The following PDE3B variants were observed in gnomAD, a reference collection of about 807,000 sequenced individuals.
PDE3B encodes the protein phosphodiesterase 3B, also known as cGMP-inhibited 3',5'-cyclic phosphodiesterase 3B.
PDE3B carries 66 observed loss-of-function variants against 116.8 expected under a neutral mutation model. That is an observed-to-expected ratio of 0.56 (90% CI 0.46 to 0.69). The LOEUF is 0.69. Among genes scored for constraint, PDE3B ranks in the 30% least tolerant of loss-of-function variants. PDE3B has a pLI of 0.00. For missense variants in PDE3B, 1,384 were observed against 1,368.1 expected, an observed-to-expected ratio of 1.01 and a Z score of -0.18; for synonymous variants, 595 against 533.6, an observed-to-expected ratio of 1.12 and a Z score of -1.59.
chr11:14,718,136 A>G (rs1855967712), intron 1 of PDE3B, among the ~76,000 whole-genome samples: 1 of 137,924 alleles, frequency 7.3e-6, no homozygotes, highest in Non-Finnish European at 1.6e-5. Flanking sequence ...CTCTGATAAA[A>G]CAGACTTTAA....
At chr11:14,850,868 A>T (rs534531527) in intron 12 of PDE3B, among the ~76,000 whole-genome samples, 10 of 151,940 alleles carry the variant, frequency 6.6e-5, no homozygotes, top group Non-Finnish European at 1.2e-4. Flanking sequence ...CTGCTCTGTC[A>T]CCCAGGCTGG....
intron 1 of PDE3B, among the ~76,000 whole-genome samples, chr11:14,660,404 C>T (rs141361999): frequency 4.6e-5 from 7 of 151,418 alleles, no homozygotes; most frequent in South Asian, 2.1e-4. Flanking sequence ...CAGGCTCAAG[C>T]GATCCTCCCA....
chr11:14,657,694 G>A (rs906414970), intron 1 of PDE3B, among the ~76,000 whole-genome samples: 1 of 152,132 alleles, frequency 6.6e-6, no homozygotes, highest in Non-Finnish European at 1.5e-5. Flanking sequence ...TCTGCTAGGA[G>A]CTATAAAGGC....
At chr11:14,839,325 CAG>C (rs1685214209) in intron 11 of PDE3B, among the ~76,000 whole-genome samples, 2 of 152,172 alleles carry the variant, frequency 1.3e-5, no homozygotes, top group African/African-American at 2.4e-5. Context: ...TCTGGCAAAA[CAG>C]TGAACCAAAA....
intron 2 of PDE3B, among the ~76,000 whole-genome samples, chr11:14,780,453 A>G (rs1366452548): frequency 1.3e-5 from 2 of 152,246 alleles, no homozygotes; most frequent in Non-Finnish European, 1.5e-5. Context: ...AACAGAAATT[A>G]TAACAAACTG....
At chr11:14,883,037 A>T in the PDE3B span, among the ~76,000 whole-genome samples, 9 of 152,150 alleles carry the variant, frequency 5.9e-5, no homozygotes, top group East Asian at 1.9e-4. Context: ...TAAAAGAGGA[A>T]ACAAACAAAT....
intron 1 of PDE3B, among the ~76,000 whole-genome samples, chr11:14,726,647 C>T (rs1565110525): frequency 6.6e-6 from 1 of 152,130 alleles, no homozygotes; most frequent in African/African-American, 2.4e-5. Flanking sequence ...CCAGGAGAGA[C>T]ATATCATTGA....
intron 1 of PDE3B, among the ~76,000 whole-genome samples, chr11:14,738,320 G>A (rs979343533): frequency 2.6e-5 from 4 of 152,190 alleles, no homozygotes; most frequent in South Asian, 2.1e-4. Flanking sequence ...TCTAACTGGC[G>A]TGAGATGGTA....
chr11:14,850,435 A>G (rs1003963112), intron 12 of PDE3B, among the ~76,000 whole-genome samples: 2 of 152,052 alleles, frequency 1.3e-5, no homozygotes, highest in African/African-American at 4.8e-5. Context: ...ACATGTATAC[A>G]TATGTAACTA....
intron 8 of PDE3B, among the ~76,000 whole-genome samples, chr11:14,831,424 A>G (rs974448422): frequency 6.6e-6 from 1 of 151,974 alleles, no homozygotes; most frequent in African/African-American, 2.4e-5. Flanking sequence ...AAGAAGATTA[A>G]TAAGTCTTAC....
intron 1 of PDE3B, among the ~76,000 whole-genome samples, chr11:14,655,546 G>A (rs1853693215): frequency 1.3e-5 from 2 of 152,046 alleles, no homozygotes; most frequent in Admixed American, 6.6e-5. Flanking sequence ...AGATCAATAA[G>A]ATATGGTTCT....
intron 1 of PDE3B, among the ~76,000 whole-genome samples, chr11:14,695,524 A>AT (rs901786256): frequency 2.6e-5 from 4 of 151,774 alleles, no homozygotes; most frequent in Non-Finnish European, 5.9e-5. Context: ...TAATTATTTT[A>AT]TTTTTTTTAA....
At chr11:14,706,299 A>T (rs1180181350) in intron 1 of PDE3B, among the ~76,000 whole-genome samples, 1 of 151,888 alleles carries the variant, frequency 6.6e-6, no homozygotes, top group Admixed American at 6.6e-5. Flanking sequence ...TTAAAATTAT[A>T]CAGTACCTGA....
At chr11:14,649,168 A>G (rs1203933970) in intron 1 of PDE3B, among the ~76,000 whole-genome samples, 1 of 152,166 alleles carries the variant, frequency 6.6e-6, no homozygotes, top group Non-Finnish European at 1.5e-5. Context: ...TGTCCTCCTC[A>G]GTGGCAGGCC....
intron 11 of PDE3B, among the ~76,000 whole-genome samples, chr11:14,841,533 T>C (rs543341679): frequency 6.7e-6 from 1 of 149,736 alleles, no homozygotes; most frequent in Admixed American, 6.7e-5. Flanking sequence ...CCAGTTCTTA[T>C]TCCGTGGGTT....
At chr11:14,679,127 C>T (rs1854620472) in intron 1 of PDE3B, among the ~76,000 whole-genome samples, 1 of 151,998 alleles carries the variant, frequency 6.6e-6, no homozygotes, top group South Asian at 2.1e-4. Flanking sequence ...TTCCCTCTGC[C>T]AATACCACAC....
chr11:14,825,847 C>T (rs1185387704), intron 7 of PDE3B, among the ~76,000 whole-genome samples: 5 of 152,126 alleles, frequency 3.3e-5, no homozygotes, highest in Non-Finnish European at 7.4e-5. Context: ...CTCATTGCCA[C>T]ATGGTACATA....
At chr11:14,889,353 T>C in the PDE3B span, among the ~76,000 whole-genome samples, 45 of 152,294 alleles carry the variant, frequency 3.0e-4, no homozygotes, top group African/African-American at 1.0e-3. Flanking sequence ...TTTGTCAGAA[T>C]TGGAAAATAT....
intron 1 of PDE3B, among the ~76,000 whole-genome samples, chr11:14,714,488 C>T (rs1281095656): frequency 6.7e-6 from 1 of 148,444 alleles, no homozygotes; most frequent in Admixed American, 6.8e-5. Context: ...TGCAGTGAGC[C>T]ATGCCTACAC....
Sources: allele counts gnomAD v4.1 joint callset (sites outside exome capture counted in the v4.1 genomes callset), GRCh38; gene constraint gnomAD v4.1.1; transcripts MANE v1.5; gene names NCBI Gene and HGNC (gene_info 2026-07-23, HGNC 2026-07-21).